TYW1B: variants seen among roughly 807,000 people sequenced by gnomAD.
TYW1B encodes S-adenosyl-L-methionine-dependent tRNA 4-demethylwyosine synthase TYW1B.
TYW1B carries 73 observed loss-of-function variants against 86.9 expected under a neutral mutation model. The observed-to-expected ratio is 0.84, with a 90% CI of 0.70 to 1.02. TYW1B has a LOEUF of 1.02. TYW1B is among the 50% of genes least tolerant of loss of function. The pLI is 0.00. For synonymous variants in TYW1B, 248 were observed against 292.8 expected (o/e 0.85, Z 1.56); for missense variants, 637 against 827.4 (o/e 0.77, Z 2.82).
intron 11 of TYW1B, among the ~76,000 whole-genome samples, chr7:72,646,573 T>C (rs1203038257): frequency 2.0e-5 from 3 of 151,614 alleles, no homozygotes; most frequent in South Asian, 2.1e-4. Flanking sequence ...GAGGTTTTGC[T>C]ATGTTGCCCA....
At chr7:72,692,314 T>C (rs1401005411) in intron 11 of TYW1B, among the ~76,000 whole-genome samples, 2 of 151,770 alleles carry the variant, frequency 1.3e-5, no homozygotes, top group African/African-American at 4.8e-5. Context: ...GGCAGGAAGA[T>C]TGCCTGAGGC....
intron 13 of TYW1B, among the ~76,000 whole-genome samples, chr7:72,603,088 CA>C (rs1554434105): frequency 0.012 from 1,739 of 151,086 alleles, 7 homozygotes; most frequent in Non-Finnish European, 0.018. Context: ...GACAGACAGA[CA>C]GATGATGGAT....
intron 9 of TYW1B, among the ~76,000 whole-genome samples, chr7:72,717,162 G>A (rs1328400127): frequency 4.6e-5 from 7 of 151,888 alleles, no homozygotes; most frequent in Admixed American, 2.0e-4. Flanking sequence ...TTAGCCAGGC[G>A]TGGTGGTGCA....
chr7:72,652,248 G>A (rs1289804488), intron 11 of TYW1B, among the ~76,000 whole-genome samples: 2 of 151,726 alleles, frequency 1.3e-5, no homozygotes, highest in Non-Finnish European at 2.9e-5. Context: ...TGTGGTGGCA[G>A]GCGCCTGAAG....
intron 2 of TYW1B, among the ~76,000 whole-genome samples, chr7:72,826,540 C>A (rs1480422436): frequency 1.3e-5 from 2 of 152,010 alleles, no homozygotes; most frequent in Non-Finnish European, 2.9e-5. Context: ...ATTTTCTGAT[C>A]CTTAATTAAT....
chr7:72,727,992 A>G (rs1339503917), intron 9 of TYW1B, among the ~76,000 whole-genome samples: 6 of 152,304 alleles, frequency 3.9e-5, no homozygotes, highest in African/African-American at 1.4e-4. Flanking sequence ...TTAATATGAG[A>G]CAGAATTAAA....
chr7:72,804,097 C>T (rs1434225695), intron 5 of TYW1B, among the ~76,000 whole-genome samples: 1 of 151,072 alleles, frequency 6.6e-6, no homozygotes, highest in African/African-American at 2.4e-5. Flanking sequence ...CCAGCCTGAT[C>T]AACATGGTGA....
At chr7:72,623,448 T>G (rs1812273554) in intron 12 of TYW1B, among the ~76,000 whole-genome samples, 1 of 152,166 alleles carries the variant, frequency 6.6e-6, no homozygotes, top group Admixed American at 6.6e-5. Flanking sequence ...CTTTTCCTTT[T>G]TACCAAGCGC....
intron 7 of TYW1B, among the ~76,000 whole-genome samples, chr7:72,762,547 T>C (rs1451740665): frequency 1.3e-5 from 2 of 152,210 alleles, no homozygotes; most frequent in Non-Finnish European, 2.9e-5. Context: ...TATAATTTGA[T>C]TCTGTACTCT....
In TYW1B at chr7:72,685,113, A is replaced by G. The variant is rs1438362892; in HGVS notation, c.1506+9574T>C. Among the ~76,000 whole-genome samples, 15 of 140,784 alleles carry G rather than the reference A, an allele frequency of 1.1e-4. 1 individual carries two copies. In the East Asian group the frequency reaches 2.2e-3, roughly 21 times the overall value. 92.4% of individuals were successfully genotyped at this position (140,784 alleles called of 152,430 possible). On this transcript the variant is annotated intron_variant, in intron 11 of 13. Transcript: ENST00000620995. ...GATGACAGAGTGAGACTCAATCTCG[A>G]AAAAAAAAAAAAAAGAAAAAAGATT...
intron 13 of TYW1B, among the ~76,000 whole-genome samples, chr7:72,584,534 A>T (rs2129567677): frequency 6.6e-6 from 1 of 151,642 alleles, no homozygotes; most frequent in Non-Finnish European, 1.5e-5. Flanking sequence ...TGGCTCACTG[A>T]AACCTCTGCC....
At chr7:72,701,980 G>A (rs1554452667) in intron 10 of TYW1B, among the ~76,000 whole-genome samples, 1 of 152,132 alleles carries the variant, frequency 6.6e-6, no homozygotes, top group African/African-American at 2.4e-5. Context: ...AGTCTTCTCT[G>A]GCATGCCCAC....
intron 7 of TYW1B, among the ~76,000 whole-genome samples, 178 bp from the exon 8 acceptor site, chr7:72,744,779 T>G (rs1182607567): frequency 2.0e-5 from 3 of 152,118 alleles, no homozygotes; most frequent in Non-Finnish European, 4.4e-5. Context: ...GTGCTTTGGG[T>G]TTTTACTAAA....
chr7:72,692,097 T>A (rs1554450396), intron 11 of TYW1B, among the ~76,000 whole-genome samples: 3 of 147,644 alleles, frequency 2.0e-5, no homozygotes, highest in Non-Finnish European at 4.4e-5. Context: ...TCCTAGCTAC[T>A]GGGGAGTCTG....
intron 9 of TYW1B, chr7:72,722,756 G>A (rs1305970876): frequency 1.3e-5 from 4 of 318,944 alleles, no homozygotes; most frequent in Non-Finnish European, 2.3e-5. Context: ...CCCACAGCCA[G>A]TTCCACCTTT....
At chr7:72,802,289 T>G in intron 6 of TYW1B, 111 bp downstream of exon 6, 1 of 1,510,202 alleles carries the variant, frequency 6.6e-7, no homozygotes, top group Non-Finnish European at 8.9e-7. Flanking sequence ...AGACAGAAGC[T>G]AGAGAAATGA....
intron 8 of TYW1B, among the ~76,000 whole-genome samples, chr7:72,740,290 C>T: frequency 6.6e-6 from 1 of 151,784 alleles, no homozygotes; most frequent in Non-Finnish European, 1.5e-5. Context: ...ATCCTAGCTA[C>T]TCAGGAGGCT....
At chr7:72,646,205 C>T (rs1480639488) in intron 11 of TYW1B, among the ~76,000 whole-genome samples, 7 of 151,696 alleles carry the variant, frequency 4.6e-5, no homozygotes, top group Admixed American at 3.9e-4. Flanking sequence ...CAGGTGCACA[C>T]CACCATGTCC....
chr7:72,586,278 A>T (rs1554430489), intron 13 of TYW1B, among the ~76,000 whole-genome samples: 1 of 152,156 alleles, frequency 6.6e-6, no homozygotes, highest in African/African-American at 2.4e-5. Flanking sequence ...CAACCTTGGA[A>T]ATGCACCTGA....
Sources: allele counts gnomAD v4.1 joint callset (sites outside exome capture counted in the v4.1 genomes callset), GRCh38; gene constraint gnomAD v4.1.1; transcripts MANE v1.5; gene names NCBI Gene and HGNC (gene_info 2026-07-23, HGNC 2026-07-21).